The following RIN2 variants were observed in gnomAD, a reference collection of about 807,000 sequenced individuals.
The protein encoded by RIN2 is Ras and Rab interactor 2, also known as RAB5 interacting protein 2.
In RIN2, 36 loss-of-function variants were observed where a neutral mutation model predicts 78.0. The ratio of observed to expected loss-of-function variants is 0.46; its 90% confidence interval spans 0.35 to 0.61. RIN2 has a LOEUF of 0.61. RIN2 is among the 20% of genes least tolerant of loss of function. The probability of loss-of-function intolerance (pLI) is 0.00; values close to 1 mark genes in which losing one functional copy is unlikely to be tolerated. For missense variants in RIN2, 1,087 were observed against 1,159.7 expected (o/e 0.94, Z 0.91); for synonymous variants, 466 against 466.8 (o/e 1.00, Z 0.02).
chr20:19,760,270 T>C (rs909884562), intron 1 of RIN2, among the ~76,000 whole-genome samples: 1 of 152,034 alleles, frequency 6.6e-6, no homozygotes, highest in South Asian at 2.1e-4. Flanking sequence ...AGCTTTTGGG[T>C]TTGGAGACTT....
intron 3 of RIN2, among the ~76,000 whole-genome samples, chr20:19,895,399 G>T (rs1280334737): frequency 6.6e-6 from 1 of 152,138 alleles, no homozygotes; most frequent in Admixed American, 6.5e-5. Flanking sequence ...ATACCTTTGG[G>T]CTTCCTGAGC....
intron 3 of RIN2, among the ~76,000 whole-genome samples, chr20:19,924,792 T>C (rs1028368790): frequency 5.0e-5 from 5 of 99,576 alleles, no homozygotes; most frequent in Non-Finnish European, 7.5e-5. Flanking sequence ...CAGGCTGTAG[T>C]GCAGTGGTGC....
At chr20:19,830,308 C>T (rs1568791978) in intron 2 of RIN2, among the ~76,000 whole-genome samples, 1 of 152,138 alleles carries the variant, frequency 6.6e-6, no homozygotes, top group East Asian at 1.9e-4. Context: ...TTTTCATTAA[C>T]TTTTATGCCA....
At chr20:19,805,939 G>C (rs1302547610) in intron 2 of RIN2, among the ~76,000 whole-genome samples, 1 of 152,030 alleles carries the variant, frequency 6.6e-6, no homozygotes, top group African/African-American at 2.4e-5. Flanking sequence ...TCATTGTTCA[G>C]CTCCCACTTA....
intron 3 of RIN2, among the ~76,000 whole-genome samples, chr20:19,890,760 G>C (rs2038422426): frequency 7.1e-6 from 1 of 140,548 alleles, no homozygotes; most frequent in Admixed American, 7.5e-5. Flanking sequence ...AAATAAGGAA[G>C]AACATCACCA....
At chr20:19,796,070 G>A (rs2122667198) in intron 1 of RIN2, among the ~76,000 whole-genome samples, 1 of 143,864 alleles carries the variant, frequency 7.0e-6, no homozygotes, top group East Asian at 2.0e-4. Context: ...GAGAAGAGAA[G>A]GAAGAAAAGA....
At chr20:19,900,806 C>T (rs1016801232) in intron 3 of RIN2, among the ~76,000 whole-genome samples, 12 of 151,450 alleles carry the variant, frequency 7.9e-5, no homozygotes, top group African/African-American at 2.9e-4. Flanking sequence ...CAAAATGAGC[C>T]AGGCGTGGTG....
At chr20:19,948,381 GA>G (rs961979952) in intron 4 of RIN2, among the ~76,000 whole-genome samples, 6 of 152,026 alleles carry the variant, frequency 3.9e-5, no homozygotes, top group African/African-American at 1.4e-4. Context: ...CTATAGACTG[GA>G]AAAAAATATA....
At chr20:19,783,379 C>T (rs2034572778) in intron 1 of RIN2, among the ~76,000 whole-genome samples, 1 of 152,144 alleles carries the variant, frequency 6.6e-6, no homozygotes, top group Non-Finnish European at 1.5e-5. Flanking sequence ...CCAGGGTTCT[C>T]TGCAAACTCT....
intron 2 of RIN2, among the ~76,000 whole-genome samples, chr20:19,807,018 C>G (rs1450960778): frequency 6.6e-6 from 1 of 152,226 alleles, no homozygotes; most frequent in African/African-American, 2.4e-5. Context: ...TGGCTTCCCA[C>G]TGATGTCTGG....
intron 2 of RIN2, among the ~76,000 whole-genome samples, chr20:19,868,099 G>A (rs1379548565): frequency 6.6e-6 from 1 of 152,244 alleles, no homozygotes; most frequent in Non-Finnish European, 1.5e-5. Flanking sequence ...AGGCCTGTGA[G>A]TGTGGCCAGT....
chr20:19,891,763 A>G (rs944154709), intron 3 of RIN2, among the ~76,000 whole-genome samples: 1 of 105,518 alleles, frequency 9.5e-6, no homozygotes, highest in African/African-American at 3.8e-5. Flanking sequence ...AGGTTGCAGG[A>G]GGTTGCAGTG....
intron 1 of RIN2, among the ~76,000 whole-genome samples, chr20:19,796,111 T>C (rs868101070): frequency 1.3e-5 from 2 of 151,368 alleles, no homozygotes; most frequent in East Asian, 1.9e-4. Flanking sequence ...AAAAGAAAAG[T>C]AGGTTAGGGC....
At position 20,000,730 on chromosome 20, in the gene RIN2, G is replaced by A. The variant is rs1273814509; in HGVS notation, c.2482G>A (p.Val828Met). ...VCQICAEKFK[V>M]GDPEEYSLFL... Reference sequence around the variant, plus strand: ...TCAGATCTGCGCTGAGAAGTTCAAGGTGGGGGACCCTGAGGAGTACAGCCT... The same window carrying A: ...TCAGATCTGCGCTGAGAAGTTCAAGATGGGGGACCCTGAGGAGTACAGCCT... Residue 828 changes from valine (V) to methionine (M), a missense_variant, in exon 13 of 13, where the codon GTG becomes ATG. Val to Met is a conservative substitution (Grantham distance 21). Coordinates refer to ENST00000255006, the MANE Select transcript of RIN2 (RefSeq NM_018993.4). The A allele has an allele frequency of 1.9e-6, 3 of 1,613,862 alleles. No homozygotes were observed. The highest frequency in any genetic ancestry group is 2.7e-5 in the African/African-American group (2 of 74,896).
At chr20:19,894,874 C>T (rs2038647637) in intron 3 of RIN2, among the ~76,000 whole-genome samples, 1 of 152,160 alleles carries the variant, frequency 6.6e-6, no homozygotes, top group East Asian at 1.9e-4. Context: ...TGCTTGAAGA[C>T]CCTGGCTCCT....
intron 2 of RIN2, among the ~76,000 whole-genome samples, chr20:19,882,580 AGT>A (rs1408324879): frequency 6.6e-6 from 1 of 152,168 alleles, no homozygotes; most frequent in Non-Finnish European, 1.5e-5. Context: ...AGGAAGTCCC[AGT>A]GTGTGTGGCT....
At chr20:19,781,780 C>CT (rs2034515887) in intron 1 of RIN2, among the ~76,000 whole-genome samples, 2 of 144,178 alleles carry the variant, frequency 1.4e-5, no homozygotes, top group Non-Finnish European at 3.0e-5. Flanking sequence ...GAAGATTATA[C>CT]ACTTTTTTTT....
intron 3 of RIN2, among the ~76,000 whole-genome samples, chr20:19,914,896 G>A (rs1456535453): frequency 6.6e-6 from 1 of 152,122 alleles, no homozygotes; most frequent in African/African-American, 2.4e-5. Context: ...GGAGAGATGA[G>A]ACTAAGGTGG....
chr20:19,934,283 GT>G (rs11476842), intron 3 of RIN2, among the ~76,000 whole-genome samples: 88,790 of 152,142 alleles, frequency 0.58, 31,557 homozygotes, highest in Non-Finnish European at 0.8. Context: ...AAATTACTAT[GT>G]TTTCAAAAAA....
Sources: allele counts gnomAD v4.1 joint callset (sites outside exome capture counted in the v4.1 genomes callset), GRCh38; gene constraint gnomAD v4.1.1; transcripts MANE v1.5; gene names NCBI Gene and HGNC (gene_info 2026-07-23, HGNC 2026-07-21).